CLINT1: variants seen among roughly 807,000 people sequenced by gnomAD.
CLINT1 encodes the protein clathrin interacting protein localized in the trans-Golgi region.
CLINT1 carries 15 observed loss-of-function variants against 70.4 expected under a neutral mutation model. The observed-to-expected ratio is 0.21, with a 90% CI of 0.14 to 0.33. The LOEUF is 0.33. Among genes scored for constraint, CLINT1 ranks in the 10% least tolerant of loss-of-function variants. CLINT1 has a pLI of 1.00. For synonymous variants in CLINT1, 227 were observed against 254.7 expected (o/e 0.89, Z 1.04); for missense variants, 615 against 778.1 (o/e 0.79, Z 2.49).
At chr5:157,832,527 T>C (rs1298376259) in intron 1 of CLINT1, among the ~76,000 whole-genome samples, 2 of 152,240 alleles carry the variant, frequency 1.3e-5, no homozygotes, top group South Asian at 2.1e-4. Flanking sequence ...TTAAGAATAC[T>C]GACACTTCTA....
At chr5:157,828,074 G>T (rs1478330727) in intron 1 of CLINT1, among the ~76,000 whole-genome samples, 2 of 152,140 alleles carry the variant, frequency 1.3e-5, no homozygotes, top group Non-Finnish European at 2.9e-5. Context: ...AATGACATGT[G>T]TAAAGCATTC....
At chr5:157,800,365 G>A (rs900267734) in intron 8 of CLINT1, among the ~76,000 whole-genome samples, 1 of 152,068 alleles carries the variant, frequency 6.6e-6, no homozygotes, top group Non-Finnish European at 1.5e-5. Context: ...ATAAATATGG[G>A]CACATCTGGT....
intron 1 of CLINT1, among the ~76,000 whole-genome samples, chr5:157,852,051 C>A (rs2113335257): frequency 6.6e-6 from 1 of 152,226 alleles, no homozygotes; most frequent in South Asian, 2.1e-4. Context: ...TTAGAGGATT[C>A]TTTTTCTTGA....
intron 8 of CLINT1, among the ~76,000 whole-genome samples, chr5:157,803,072 G>A (rs1194915381): frequency 6.6e-6 from 1 of 152,232 alleles, no homozygotes; most frequent in African/African-American, 2.4e-5. Flanking sequence ...AAAGTTAAAT[G>A]ATCTCTAGGC....
At chr5:157,831,007 A>G (rs1763225416) in intron 1 of CLINT1, among the ~76,000 whole-genome samples, 1 of 151,442 alleles carries the variant, frequency 6.6e-6, no homozygotes, top group African/African-American at 2.4e-5. Flanking sequence ...TAGTGCCACT[A>G]CACTCCAGAC....
intron 1 of CLINT1, among the ~76,000 whole-genome samples, chr5:157,824,481 T>C (rs1762972367): frequency 6.6e-6 from 1 of 152,096 alleles, no homozygotes; most frequent in Non-Finnish European, 1.5e-5. Context: ...GGTGGGATAT[T>C]CACCACCCAT....
intron 8 of CLINT1, among the ~76,000 whole-genome samples, chr5:157,797,960 G>A (rs1762112637): frequency 6.6e-6 from 1 of 152,112 alleles, no homozygotes; most frequent in Non-Finnish European, 1.5e-5. Context: ...GCAAAAAATG[G>A]AAAGATGTAT....
intron 1 of CLINT1, among the ~76,000 whole-genome samples, chr5:157,826,754 TTC>T (rs1763053477): frequency 6.6e-6 from 1 of 152,198 alleles, no homozygotes; most frequent in South Asian, 2.1e-4. Flanking sequence ...AAAGAATGGT[TTC>T]ATAGCAGGAA....
At position 157,856,607 on chromosome 5, in the gene CLINT1, C is replaced by A. The variant is rs561688199; in HGVS notation, c.41+2323G>T. The stretch of plus-strand genomic sequence containing the variant: ...TAAGGTGCACAGTCTAACAGATCCA[C>A]GGTTCTGTAAGATGCTTACATTTGG... On this transcript the variant is annotated intron_variant, in intron 1 of 11. Coordinates refer to ENST00000411809, the MANE Select transcript of CLINT1 (RefSeq NM_014666.4). Among the ~76,000 whole-genome samples the A allele has an allele frequency of 8.5e-5, 13 of 152,262 alleles. No homozygotes were observed. In the South Asian group the frequency reaches 2.7e-3, roughly 32 times the overall value.
intron 1 of CLINT1, among the ~76,000 whole-genome samples, chr5:157,819,475 T>C (rs1432291837): frequency 6.6e-6 from 1 of 152,116 alleles, no homozygotes; most frequent in African/African-American, 2.4e-5. Flanking sequence ...CCAGTAATGC[T>C]TCTATTGCAA....
intron 8 of CLINT1, among the ~76,000 whole-genome samples, chr5:157,798,655 C>T (rs1400989218): frequency 1.3e-5 from 2 of 151,966 alleles, no homozygotes; most frequent in Non-Finnish European, 2.9e-5. Flanking sequence ...AGGATGAATA[C>T]TCCTAATAAA....
chr5:157,850,290 C>G (rs1027363546), intron 1 of CLINT1, among the ~76,000 whole-genome samples: 1 of 152,168 alleles, frequency 6.6e-6, no homozygotes, highest in Non-Finnish European at 1.5e-5. Context: ...AAGCCCCATT[C>G]AGTACCGAAC....
At chr5:157,840,841 C>A (rs756501076) in intron 1 of CLINT1, among the ~76,000 whole-genome samples, 1 of 151,514 alleles carries the variant, frequency 6.6e-6, no homozygotes, top group African/African-American at 2.4e-5. Flanking sequence ...GTTCGGAGTT[C>A]GAGAACAGCC....
At chr5:157,807,446 G>A (rs1762422287) in intron 6 of CLINT1, among the ~76,000 whole-genome samples, 2 of 152,006 alleles carry the variant, frequency 1.3e-5, no homozygotes, top group African/African-American at 4.8e-5. Flanking sequence ...ACTAGCACAC[G>A]ATGAAATGGA....
At chr5:157,804,612 T>C (rs1298382390) in intron 7 of CLINT1, among the ~76,000 whole-genome samples, 1 of 151,436 alleles carries the variant, frequency 6.6e-6, no homozygotes, top group East Asian at 1.9e-4. Flanking sequence ...GGGAGGAGGG[T>C]AAATGAAAAC....
intron 4 of CLINT1, among the ~76,000 whole-genome samples, chr5:157,813,963 C>G (rs1361912817): frequency 6.6e-6 from 1 of 152,144 alleles, no homozygotes; most frequent in Non-Finnish European, 1.5e-5. Context: ...TAAACCCGAA[C>G]ACTCATGTTG....
intron 7 of CLINT1, among the ~76,000 whole-genome samples, chr5:157,805,019 G>C: frequency 6.6e-6 from 1 of 152,086 alleles, no homozygotes; most frequent in East Asian, 1.9e-4. Context: ...ACTACAAACT[G>C]TTATTTAAAA....
intron 1 of CLINT1, among the ~76,000 whole-genome samples, chr5:157,838,534 C>G (rs1561668761): frequency 6.6e-6 from 1 of 152,162 alleles, no homozygotes; most frequent in African/African-American, 2.4e-5. Context: ...ATTCTCAATA[C>G]TTTTTTCTAC....
chr5:157,818,680 C>G (rs73293416), intron 1 of CLINT1, among the ~76,000 whole-genome samples: 4,475 of 151,798 alleles, frequency 0.029, 207 homozygotes, highest in African/African-American at 0.1. Context: ...TATAAAATAA[C>G]CATCTATTAG....
Sources: gnomAD v4.1 joint callset for allele counts (sites outside exome capture counted in the v4.1 genomes callset) on GRCh38, gnomAD v4.1.1 for gene constraint, MANE v1.5 for transcripts, NCBI Gene and HGNC (gene_info 2026-07-23, HGNC 2026-07-21) for gene names.